CYP2C19: variants seen among roughly 807,000 people sequenced by gnomAD.
CYP2C19 encodes the protein cytochrome P450 family 2 subfamily C member 19.
In CYP2C19, 59 loss-of-function variants were observed where a neutral mutation model predicts 40.9. The observed-to-expected ratio is 1.44, with a 90% CI of 1.17 to 1.79. The LOEUF (loss-of-function observed/expected upper bound fraction) is 1.79. CYP2C19 is among the 40% of genes most tolerant of loss of function. CYP2C19 has a pLI of 0.00. For missense variants in CYP2C19, 754 were observed against 596.9 expected, an observed-to-expected ratio of 1.26 and a Z score of -2.74; for synonymous variants, 253 against 208.7, an observed-to-expected ratio of 1.21 and a Z score of -1.83.
chr10:94,785,810 A>G (rs1430320857), intron 5 of CYP2C19, among the ~76,000 whole-genome samples: 1 of 152,102 alleles, frequency 6.6e-6, no homozygotes, highest in Non-Finnish European at 1.5e-5. Context: ...GGCATGTTCA[A>G]AATGGCAGCT....
rs555345731 is a variant in CYP2C19, at chr10:94,802,427, A to G, written c.820-18069A>G. Among the ~76,000 whole-genome samples, 18 of 151,864 alleles carry G rather than the reference A, an allele frequency of 1.2e-4. No individual in the cohort carries two copies. In the South Asian group the frequency reaches 2.7e-3, roughly 23 times the overall value. Reference sequence around the variant, plus strand: ...CAACCCCTGCTTTTTATTGCTTTCTATCTGCTTGGTAAATCTTCCTCCATC... The same window carrying G: ...CAACCCCTGCTTTTTATTGCTTTCTGTCTGCTTGGTAAATCTTCCTCCATC... On this transcript the variant is annotated intron_variant, in intron 5 of 8. Transcript: ENST00000371321.
chr10:94,813,437 C>T (rs1252336858), intron 5 of CYP2C19, among the ~76,000 whole-genome samples: 1 of 151,932 alleles, frequency 6.6e-6, no homozygotes, highest in African/African-American at 2.4e-5. Flanking sequence ...ATCTATAAGC[C>T]CCTGACTGGG....
chr10:94,802,602 A>G (rs1307775006), intron 5 of CYP2C19, among the ~76,000 whole-genome samples: 2 of 152,048 alleles, frequency 1.3e-5, no homozygotes, highest in African/African-American at 4.8e-5. Context: ...TAATATTGTT[A>G]TGTGTGAATT....
chr10:94,851,782 T>G (rs762734365), intron 8 of CYP2C19, among the ~76,000 whole-genome samples: 10 of 152,110 alleles, frequency 6.6e-5, no homozygotes, highest in Non-Finnish European at 1.2e-4. Context: ...GACAGAGCCC[T>G]CCTGACTTAT....
At position 94,830,619 on chromosome 10, in the gene CYP2C19, C is replaced by T. The variant is rs112962483; in HGVS notation, c.961+9982C>T. ...AAATGCAGAAATCACCCATCTTCTG[C>T]GTCACTCATGCTGGGAGCTGTAGAC... On this transcript the variant is annotated intron_variant, in intron 6 of 8. Transcript: ENST00000371321. Among the ~76,000 whole-genome samples the T allele has an allele frequency of 2.7e-3, 412 of 152,338 alleles. 2 individuals carry two copies. Among genetic ancestry groups the T allele is most frequent in the African/African-American group, 8.3e-3 (345 of 41,574 alleles).
At position 94,793,252 on chromosome 10, in the gene CYP2C19, C is replaced by T. The variant is rs570948800; in HGVS notation, c.819+11255C>T. Among the ~76,000 whole-genome samples the T allele has an allele frequency of 5.3e-5, 8 of 152,160 alleles. No homozygotes were observed. The South Asian group carries it at 6.2e-4, about 12-fold the overall frequency. On this transcript the variant is annotated intron_variant, in intron 5 of 8. Transcript: ENST00000371321. ...ATGCTGTTTATTCTAGTTAGCCATT[C>T]GTCTAATCTTTTTTCAAGGTTTTAA...
At chr10:94,834,885 G>A (rs1210433770) in intron 6 of CYP2C19, among the ~76,000 whole-genome samples, 1 of 152,172 alleles carries the variant, frequency 6.6e-6, no homozygotes, top group Non-Finnish European at 1.5e-5. Context: ...AGCTAGTCCT[G>A]TCTCTAAGTC....
At chr10:94,813,455 C>T (rs893850482) in intron 5 of CYP2C19, among the ~76,000 whole-genome samples, 1 of 151,998 alleles carries the variant, frequency 6.6e-6, no homozygotes, top group African/African-American at 2.4e-5. Context: ...GGGACTGTTG[C>T]CTGTCTTTCA....
intron 7 of CYP2C19, among the ~76,000 whole-genome samples, chr10:94,843,689 T>C (rs1308382234): frequency 6.6e-6 from 1 of 152,214 alleles, no homozygotes; most frequent in East Asian, 1.9e-4. Context: ...CTGTGAACAG[T>C]ACACTGTATC....
intron 1 of CYP2C19, among the ~76,000 whole-genome samples, chr10:94,765,072 G>A (rs867885580): frequency 6.6e-6 from 1 of 152,138 alleles, no homozygotes; most frequent in Middle Eastern, 3.2e-3. Flanking sequence ...TGTTGCCAAA[G>A]AGTCTATTTG....
chr10:94,792,624 G>A (rs183666523), intron 5 of CYP2C19, among the ~76,000 whole-genome samples: 4 of 152,210 alleles, frequency 2.6e-5, no homozygotes, highest in Admixed American at 2.0e-4. Flanking sequence ...GCTTAATTTG[G>A]CTGGATATGA....
chr10:94,794,854 A>G (rs1848659924), intron 5 of CYP2C19, among the ~76,000 whole-genome samples: 1 of 152,016 alleles, frequency 6.6e-6, no homozygotes, highest in South Asian at 2.1e-4. Context: ...GCAAACAGGG[A>G]CAATTTAACT....
chr10:94,817,636 G>C (rs1413289836), intron 5 of CYP2C19, among the ~76,000 whole-genome samples: 1 of 145,980 alleles, frequency 6.9e-6, no homozygotes, highest in South Asian at 2.3e-4. Context: ...TTGGTGTTTT[G>C]GACATGAAGT....
intron 6 of CYP2C19, among the ~76,000 whole-genome samples, chr10:94,837,078 A>G (rs1476584820): frequency 6.6e-6 from 1 of 152,170 alleles, no homozygotes; most frequent in Non-Finnish European, 1.5e-5. Flanking sequence ...AGGACTGTAA[A>G]CCACTCTGCT....
intron 7 of CYP2C19, 98 bp downstream of exon 7, chr10:94,843,122 C>A: frequency 6.9e-7 from 1 of 1,445,164 alleles, no homozygotes; most frequent in Non-Finnish European, 9.7e-7. Context: ...GAGAGAAGTG[C>A]ATTACTCCTA....
intron 7 of CYP2C19, among the ~76,000 whole-genome samples, chr10:94,848,289 T>A (rs1849602276): frequency 6.6e-6 from 1 of 152,236 alleles, no homozygotes; most frequent in Non-Finnish European, 1.5e-5. Context: ...TTCAGATTTC[T>A]ACATACGGCT....
At chr10:94,826,843 A>C (rs1270693381) in intron 6 of CYP2C19, among the ~76,000 whole-genome samples, 1 of 152,024 alleles carries the variant, frequency 6.6e-6, no homozygotes, top group Non-Finnish European at 1.5e-5. Context: ...ATCAATACCT[A>C]ATTTATTGAG....
In CYP2C19 at chr10:94,792,808, T is replaced by C. The variant is rs891839359; in HGVS notation, c.819+10811T>C. 1.1e-4 allele frequency among the ~76,000 whole-genome samples: 17 copies of C among 152,290 alleles called. No homozygotes were observed. In the South Asian group the frequency reaches 3.3e-3, roughly 30 times the overall value. On this transcript the variant is annotated intron_variant, in intron 5 of 8. Transcript: ENST00000371321. ...AATATTTATTCCTTCATTTCAACTT[T>C]GGTGAATCTGACAATTATGTGTCAT... is the stretch of plus-strand genomic sequence containing the variant.
chr10:94,819,205 C>G (rs1849069946), intron 5 of CYP2C19, among the ~76,000 whole-genome samples: 1 of 137,156 alleles, frequency 7.3e-6, no homozygotes, highest in African/African-American at 2.8e-5. Context: ...AACAAAGACA[C>G]AACATACCAG....
Sources: gnomAD v4.1 joint callset for allele counts (sites outside exome capture counted in the v4.1 genomes callset) on GRCh38, gnomAD v4.1.1 for gene constraint, MANE v1.5 for transcripts, NCBI Gene and HGNC (gene_info 2026-07-23, HGNC 2026-07-21) for gene names.